The following AHNAK variants were observed in gnomAD, a reference collection of about 807,000 sequenced individuals.
AHNAK encodes the protein AHNAK nucleoprotein, also known as neuroblast differentiation-associated protein AHNAK.
AHNAK carries 23 observed loss-of-function variants against 37.8 expected under a neutral mutation model. The observed-to-expected ratio is 0.61, with a 90% CI of 0.44 to 0.86. The LOEUF (loss-of-function observed/expected upper bound fraction) is 0.86, where lower values mean the gene tolerates loss of function less well. Ranked by LOEUF, AHNAK falls within the 40% of genes least tolerant of loss-of-function variation. The pLI, the probability that AHNAK is intolerant of heterozygous loss-of-function variation, is 0.00. For missense variants in AHNAK, 7,411 were observed against 7,319.4 expected (o/e 1.01, Z -0.46); for synonymous variants, 2,481 against 2,636.3 (o/e 0.94, Z 1.80).
intron 4 of AHNAK, among the ~76,000 whole-genome samples, chr11:62,495,752 A>G (rs78372082): frequency 0.15 from 22,281 of 150,334 alleles, 4,104 homozygotes; most frequent in African/African-American, 0.44. Context: ...AAAAAAAAAA[A>G]AAATAGCAGT....
At chr11:62,534,118 T>C in intron 4 of AHNAK, 44 bp from the exon 5 acceptor site, 1 of 1,504,576 alleles carries the variant, frequency 6.6e-7, no homozygotes, top group Non-Finnish European at 8.8e-7. Flanking sequence ...AGAGTCTGCC[T>C]GAGTTAGCAG....
Position 62,519,711 on chromosome 11 carries a change from T to C in AHNAK, c.14706A>G (p.Pro4902=), listed in dbSNP as rs747571267. Residue 4902 remains proline (P), a synonymous_variant, in exon 5 of 5, where the codon CCA becomes CCG. Coordinates refer to ENST00000378024, the MANE Select transcript of AHNAK (RefSeq NM_001620.3). Reference sequence around the variant, plus strand: ...TCTCCAGCGATGGCATCTTCAAAGATGGGCCACTGAGTTTGGCATCAGGGC... The same window carrying C: ...TCTCCAGCGATGGCATCTTCAAAGACGGGCCACTGAGTTTGGCATCAGGGC... ...FEGPDAKLSG[P]SLKMPSLEIS... is the part of the protein sequence containing the mutation. The C allele has an allele frequency of 2.0e-5, 33 of 1,613,962 alleles. No individual in the cohort carries two copies. Among genetic ancestry groups the C allele is most frequent in the Non-Finnish European group, 2.6e-5 (31 of 1,179,994 alleles).
intron 1 of AHNAK, among the ~76,000 whole-genome samples, chr11:62,544,640 C>T (rs1941247885): frequency 6.6e-6 from 1 of 152,088 alleles, no homozygotes; most frequent in African/African-American, 2.4e-5. Flanking sequence ...CCCCTGTCCT[C>T]CCCATTCTGC....
rs975460970 is a variant in AHNAK at position 62,455,495 on chromosome 11, C to T, written c.443-21604G>A. Among the ~76,000 whole-genome samples the T allele has an allele frequency of 3.9e-5, 6 of 151,946 alleles. No individual in the cohort carries two copies. The East Asian group carries it at 8.0e-4, about 20-fold the overall frequency. ...TCAAGGCGGGCGGATCTCCTGAGGTCGGCAGTTTGAGACCAGCCTGGCCAA... is the reference window on the plus strand; with the variant it reads ...TCAAGGCGGGCGGATCTCCTGAGGTTGGCAGTTTGAGACCAGCCTGGCCAA... On this transcript the variant is annotated intron_variant, in intron 5 of 5. Transcript: ENST00000257247.
intron 5 of AHNAK, among the ~76,000 whole-genome samples, chr11:62,443,697 GT>G (rs1565195763): frequency 1.3e-5 from 2 of 152,146 alleles, no homozygotes; most frequent in African/African-American, 4.8e-5. Flanking sequence ...AGACTTGAAA[GT>G]CATCATCAAA....
chr11:62,521,695 T>C lies in AHNAK; in HGVS notation c.12722A>G (p.Lys4241Arg), dbSNP rs1940250467. The C allele has an allele frequency of 6.2e-7, 1 of 1,613,998 alleles. No individual in the cohort carries two copies. The highest frequency in any genetic ancestry group is 8.5e-7 in the Non-Finnish European group (1 of 1,180,034). The change falls in exon 5 of 5, where the codon AAG (lysine) becomes AGG (arginine). Residue 4241 changes from lysine to arginine, a missense_variant. Transcript: ENST00000378024. ...CTCAGGCATCTTGAATTTAGGGCCC[T>C]TTAGTTTCGCATCTGGACCTTCGAT... ...VNIEGPDAKL[K>R]GPKFKMPEMN...
At chr11:62,539,587 T>C (rs1941060592) in intron 1 of AHNAK, among the ~76,000 whole-genome samples, 1 of 152,228 alleles carries the variant, frequency 6.6e-6, no homozygotes, top group African/African-American at 2.4e-5. Flanking sequence ...AGACAGGCAG[T>C]TGGCTTCCCT....
At chr11:62,434,292 A>G (rs954528508) in intron 5 of AHNAK, among the ~76,000 whole-genome samples, 2 of 152,126 alleles carry the variant, frequency 1.3e-5, no homozygotes, top group African/African-American at 4.8e-5. Flanking sequence ...AATCCCTTTC[A>G]TTATCATCTC....
intron 4 of AHNAK, among the ~76,000 whole-genome samples, chr11:62,501,120 G>A (rs1939703846): frequency 6.6e-6 from 1 of 151,974 alleles, no homozygotes; most frequent in Non-Finnish European, 1.5e-5. Context: ...GTTGAGGTGG[G>A]AGGATTTCTT....
intron 5 of AHNAK, among the ~76,000 whole-genome samples, chr11:62,484,946 C>G (rs1465359455): frequency 6.6e-6 from 1 of 152,108 alleles, no homozygotes; most frequent in African/African-American, 2.4e-5. Context: ...CGCGCCACCA[C>G]ACCCGGCTAA....
intron 4 of AHNAK, among the ~76,000 whole-genome samples, chr11:62,500,175 G>C (rs1201559636): frequency 6.6e-6 from 1 of 152,220 alleles, no homozygotes; most frequent in African/African-American, 2.4e-5. Flanking sequence ...ATTAAGATGG[G>C]AAGGTTAAGG....
chr11:62,450,610 C>T lies in AHNAK; in HGVS notation c.443-16719G>A, dbSNP rs896540070. Among the ~76,000 whole-genome samples the T allele has an allele frequency of 9.4e-4, 143 of 152,344 alleles. 1 individual carries two copies. The highest frequency in any genetic ancestry group is 2.1e-4 in the Non-Finnish European group (14 of 68,028). On this transcript the variant is annotated intron_variant, in intron 5 of 5. Coordinates refer to the AHNAK transcript ENST00000257247. ...ATGCAAACTACAGCTCCAGCTGTGC[C>T]GTGTCCCTCACCATTTCCTGCAAGT...
chr11:62,479,145 CTTTTCTTTTTTTTTCTT>C (rs1939209616), intron 5 of AHNAK, among the ~76,000 whole-genome samples: 1 of 142,542 alleles, frequency 7.0e-6, no homozygotes, highest in African/African-American at 2.6e-5. Context: ...GCTTTGCTTT[CTTTTCTTTTTTTTTCTT>C]TTTTCTTTTT....
At chr11:62,479,878 A>G (rs1007555279) in intron 5 of AHNAK, among the ~76,000 whole-genome samples, 1 of 152,160 alleles carries the variant, frequency 6.6e-6, no homozygotes, top group African/African-American at 2.4e-5. Context: ...GCTTTAGGGA[A>G]TATTCATATC....
exon 6 of AHNAK, chr11:62,433,603 T>C: frequency 1.9e-6 from 1 of 530,374 alleles, no homozygotes; most frequent in Non-Finnish European, 3.3e-6. Context: ...AGCACCATAG[T>C]TGCCAAAGCC....
At position 62,519,830 on chromosome 11, in the gene AHNAK, C is replaced by T. The variant is rs758639820; in HGVS notation, c.14587G>A (p.Val4863Ile). 5.0e-6 allele frequency: 8 copies of T among 1,614,072 alleles called. No individual in the cohort carries two copies. Residue 4863 changes from valine (V) to isoleucine (I), a missense_variant, in exon 5 of 5, where the codon GTA (valine) becomes ATA (isoleucine). Coordinates refer to ENST00000378024, the MANE Select transcript of AHNAK (RefSeq NM_001620.3). ...ACAGACACATCAAAATCTCCTTTTA[C>T]TTTGGGTCCTTTCAAATCCAGGTCA... ...DVDLDLKGPK[V>I]KGDFDVSVPK...
intron 4 of AHNAK, among the ~76,000 whole-genome samples, chr11:62,495,913 G>T (rs1417392865): frequency 2.6e-5 from 4 of 151,536 alleles, no homozygotes; most frequent in Non-Finnish European, 4.4e-5. Context: ...GCCAGGCATG[G>T]TGGTATATGC....
chr11:62,512,913 A>AAGGGAGGAAGGAAGGAAGGGAGGG, downstream of AHNAK, among the ~76,000 whole-genome samples: 1 of 150,284 alleles, frequency 6.7e-6, no homozygotes, highest in South Asian at 2.1e-4. The surrounding 1 kb of genome is among the most constrained non-coding windows in gnomAD (Gnocchi z 4.0). Context: ...GGAAGAAGGC[A>AAGGGAGGAAGGAAGGAAGGGAGGG]AGGGAGGAAG....
chr11:62,531,568 T>C lies in AHNAK; in HGVS notation c.2849A>G (p.Asp950Gly). ...NIKAPKISMP[D>G]VDLHMKGPKV... ...AGGACCTTTCATATGCAAGTCCACA[T>C]CAGGCATGGAGATCTTGGGGGCCTT... The change falls in exon 5 of 5, where the codon GAT becomes GGT. Residue 950 changes from aspartate to glycine, a missense_variant. Coordinates refer to ENST00000378024, the MANE Select transcript of AHNAK (RefSeq NM_001620.3). 1 of 1,614,206 alleles carries C rather than the reference T, an allele frequency of 6.2e-7. No individual in the cohort carries two copies.
Sources: allele counts gnomAD v4.1 joint callset (sites outside exome capture counted in the v4.1 genomes callset), GRCh38; gene constraint gnomAD v4.1.1; non-coding constraint Gnocchi (gnomAD v3.1); transcripts MANE v1.5; gene names NCBI Gene and HGNC (gene_info 2026-07-23, HGNC 2026-07-21).